Variants in ZMAT5 observed in about 807,000 individuals in gnomAD.
ZMAT5 encodes the protein zinc finger matrin-type protein 5.
Under a neutral mutation model 28.0 loss-of-function variants are expected in ZMAT5, and 23 were observed. The observed-to-expected ratio is 0.82, with a 90% confidence interval of 0.59 to 1.16. The LOEUF (loss-of-function observed/expected upper bound fraction) is 1.16. ZMAT5 is among the 50% of genes most tolerant of loss of function. ZMAT5 has a pLI of 0.00. For synonymous variants in ZMAT5, 76 were observed against 84.1 expected (o/e 0.90, Z 0.52); for missense variants, 173 against 212.7 (o/e 0.81, Z 1.16).
At chr22:29,747,487 C>T (rs145300517) in intron 2 of ZMAT5, 1 of 152,568 alleles carries the variant, frequency 6.6e-6, no homozygotes, top group East Asian at 1.9e-4. Flanking sequence ...CTTCGGAGGC[C>T]CTGTCCCAGA....
At chr22:29,741,167 C>T (rs1457045477) in intron 3 of ZMAT5, among the ~76,000 whole-genome samples, 1 of 152,210 alleles carries the variant, frequency 6.6e-6, no homozygotes, top group African/African-American at 2.4e-5. Flanking sequence ...CTCACGGGAG[C>T]AATTGGACTG....
chr22:29,743,031 C>T (rs771143828), intron 2 of ZMAT5, among the ~76,000 whole-genome samples: 4 of 152,086 alleles, frequency 2.6e-5, no homozygotes, highest in Admixed American at 1.3e-4. Context: ...TGGGCTCACA[C>T]GATCCTCCCA....
At chr22:29,739,325 A>G (rs925136653) in intron 4 of ZMAT5, among the ~76,000 whole-genome samples, 1 of 152,168 alleles carries the variant, frequency 6.6e-6, no homozygotes, top group Admixed American at 6.5e-5. Flanking sequence ...GTAATCATAC[A>G]CTTGACTAGC....
intron 5 of ZMAT5, among the ~76,000 whole-genome samples, chr22:29,733,716 G>A (rs2067876312): frequency 6.6e-6 from 1 of 152,170 alleles, no homozygotes; most frequent in African/African-American, 2.4e-5. Flanking sequence ...TGTGATCCTG[G>A]GGAGCCCCTT....
At chr22:29,750,007 G>A (rs965150751) in intron 1 of ZMAT5, among the ~76,000 whole-genome samples, 3 of 152,108 alleles carry the variant, frequency 2.0e-5, no homozygotes, top group South Asian at 4.1e-4. Flanking sequence ...ATGTGAGAAC[G>A]GACTAATACA....
intron 1 of ZMAT5, among the ~76,000 whole-genome samples, chr22:29,762,386 G>C (rs1301408406): frequency 6.6e-6 from 1 of 152,254 alleles, no homozygotes; most frequent in African/African-American, 2.4e-5. Context: ...GGCCTGTCAG[G>C]AGCTGGGCCG....
At chr22:29,763,702 C>G (rs1280969198) in intron 1 of ZMAT5, among the ~76,000 whole-genome samples, 3 of 151,980 alleles carry the variant, frequency 2.0e-5, no homozygotes, top group Admixed American at 2.0e-4. Context: ...GTGGGTGGAT[C>G]AGTTGAGCTC....
chr22:29,753,462 T>C (rs1254530202), intron 1 of ZMAT5, among the ~76,000 whole-genome samples: 2 of 151,894 alleles, frequency 1.3e-5, no homozygotes, highest in East Asian at 3.9e-4. Context: ...GAGGCAGAGG[T>C]TGCAGTAAGC....
intron 5 of ZMAT5, among the ~76,000 whole-genome samples, chr22:29,734,134 G>A (rs1042278146): frequency 6.6e-6 from 1 of 152,220 alleles, no homozygotes; most frequent in Non-Finnish European, 1.5e-5. Flanking sequence ...AAACTGAAGA[G>A]CCAACAATGG....
At position 29,731,022 on chromosome 22, in the gene ZMAT5, G is replaced by A. The variant is rs2067836287; in HGVS notation, c.*203C>T. On this transcript the variant is annotated 3_prime_UTR_variant, in exon 6 of 6. Transcript: ENST00000344318. ...CCCCCATCTTCTTAAGAAGCAGGGG[G>A]GCAGGTGGAGGAGAGTGAGGGGAGA... 2.2e-6 allele frequency: 1 copy of A among 460,198 alleles called. No homozygotes were observed. Among genetic ancestry groups the A allele is most frequent in the Admixed American group, 3.9e-5 (1 of 25,480 alleles). 28.5% of individuals were successfully genotyped at this position (460,198 alleles called of 1,614,324 possible).
At position 29,731,257 on chromosome 22, in the gene ZMAT5, A is replaced by AC. The variant is rs1331691544; in HGVS notation, c.480dup (p.Trp161ValfsTer95). ...CACTGGACTCTGGGCTGCAGAGGCC[A>AC]CCCCCCAGGTGGGGGTGCCCGCAGG... On this transcript the variant is annotated frameshift_variant, in exon 6 of 6. Coordinates refer to ENST00000344318, the MANE Select transcript of ZMAT5 (RefSeq NM_001003692.2). LOFTEE classifies it high-confidence loss of function. The AC allele has an allele frequency of 2.6e-6, 4 of 1,514,364 alleles. No homozygotes were observed. Among genetic ancestry groups the AC allele is most frequent in the Admixed American group, 2.8e-5 (1 of 36,286 alleles). The allele number at this position is 1,514,364 out of a possible 1,614,324, so 93.8% of individuals were successfully genotyped here. A position where few individuals can be genotyped will look rare whatever the true frequency, so the allele number is the denominator to read the frequency against.
intron 1 of ZMAT5, among the ~76,000 whole-genome samples, chr22:29,765,086 C>T (rs1358397590): frequency 6.6e-6 from 1 of 152,130 alleles, no homozygotes; most frequent in East Asian, 1.9e-4. Context: ...CAAAACAGAA[C>T]TTAAGATCAT....
intron 1 of ZMAT5, among the ~76,000 whole-genome samples, chr22:29,762,569 T>C (rs900476864): frequency 6.6e-6 from 1 of 152,236 alleles, no homozygotes; most frequent in Admixed American, 6.5e-5. Flanking sequence ...GGATCTAGGT[T>C]GCACGCTCCT....
intron 5 of ZMAT5, 51 bp downstream of exon 5, chr22:29,738,278 TG>T: frequency 6.6e-7 from 1 of 1,520,108 alleles, no homozygotes; most frequent in Non-Finnish European, 9.0e-7. Context: ...GAAGGCGGGC[TG>T]GGGTTTTGCC....
chr22:29,748,498 T>G lies in ZMAT5; in HGVS notation c.47A>C (p.Asp16Ala). 1 of 1,614,242 alleles carries G rather than the reference T, an allele frequency of 6.2e-7. No individual in the cohort carries two copies. Among genetic ancestry groups the G allele is most frequent in the East Asian group, 2.2e-5 (1 of 44,892 alleles). Residue 16 changes from aspartate (D) to alanine (A), a missense_variant, in exon 2 of 6, where the codon GAC (aspartate) becomes GCC (alanine). Asp to Ala is a moderately radical substitution (Grantham distance 126, BLOSUM62 -2). Coordinates refer to ENST00000344318, the MANE Select transcript of ZMAT5 (RefSeq NM_001003692.2). Reference sequence around the variant, plus strand: ...GTGCTTCTTGCGGTTGTGGAGGTTGTCCTGGAAGGAGCGGTCGCAGTAGTC... The same window carrying G: ...GTGCTTCTTGCGGTTGTGGAGGTTGGCCTGGAAGGAGCGGTCGCAGTAGTC... Reference protein sequence around the residue: ...FCDYCDRSFQDNLHNRKKHLN... With the variant: ...FCDYCDRSFQANLHNRKKHLN...
intron 3 of ZMAT5, 87 bp downstream of exon 3, chr22:29,742,331 C>T (rs771090677): frequency 2.1e-4 from 298 of 1,390,486 alleles, no homozygotes; most frequent in Non-Finnish European, 2.9e-4. Context: ...TGGCCCGGGT[C>T]GGGGAAGACA....
chr22:29,744,106 C>T (rs1417327881), intron 2 of ZMAT5, among the ~76,000 whole-genome samples: 1 of 152,190 alleles, frequency 6.6e-6, no homozygotes, highest in Admixed American at 6.5e-5. Flanking sequence ...GAGTGCTTTG[C>T]AGAGGAGGCC....
intron 5 of ZMAT5, among the ~76,000 whole-genome samples, chr22:29,733,372 C>T (rs1354727820): frequency 6.6e-6 from 1 of 152,176 alleles, no homozygotes; most frequent in Non-Finnish European, 1.5e-5. Context: ...GTCAGGAGCC[C>T]TGGGAGTTTC....
intron 3 of ZMAT5, 62 bp downstream of exon 3, chr22:29,742,356 A>C (rs2067970004): frequency 1.3e-6 from 2 of 1,556,398 alleles, no homozygotes; most frequent in Middle Eastern, 1.8e-4. Context: ...GCAGAGGTCC[A>C]AGTGGGGCAG....
Sources: allele counts gnomAD v4.1 joint callset (sites outside exome capture counted in the v4.1 genomes callset), GRCh38; gene constraint gnomAD v4.1.1; transcripts MANE v1.5; gene names NCBI Gene and HGNC (gene_info 2026-07-23, HGNC 2026-07-21).